The following ZNF420 variants were observed in gnomAD, a reference collection of about 807,000 sequenced individuals.
ZNF420 encodes the protein ATM and p53-associated KZNF protein.
A neutral mutation model predicts 44.7 loss-of-function variants in ZNF420; 31 were observed. The ratio of observed to expected loss-of-function variants is 0.69; its 90% confidence interval spans 0.52 to 0.94. ZNF420 has a LOEUF of 0.94. ZNF420 is among the 40% of genes least tolerant of loss of function. The pLI, the probability that ZNF420 is intolerant of heterozygous loss-of-function variation, is 0.00. For missense variants in ZNF420, 681 were observed against 827.9 expected (o/e 0.82, Z 2.18); for synonymous variants, 245 against 267.4 (o/e 0.92, Z 0.82).
chr19:37,008,525 A>G (rs978585864), intron 1 of ZNF420, among the ~76,000 whole-genome samples: 1 of 152,208 alleles, frequency 6.6e-6, no homozygotes, highest in African/African-American at 2.4e-5. Flanking sequence ...GGACAAAAGC[A>G]TCAGAAGAGC....
At chr19:37,098,123 T>G (rs928130279) in intron 4 of ZNF420, among the ~76,000 whole-genome samples, 2 of 152,088 alleles carry the variant, frequency 1.3e-5, no homozygotes, top group African/African-American at 2.4e-5. Context: ...GGCTAATTTT[T>G]GTAGTTTTTG....
At chr19:37,035,739 A>C (rs1967343083) in intron 1 of ZNF420, among the ~76,000 whole-genome samples, 1 of 152,194 alleles carries the variant, frequency 6.6e-6, no homozygotes, top group South Asian at 2.1e-4. Flanking sequence ...AACAATTAGA[A>C]GTGGAGAAAA....
chr19:37,123,055 CAT>C (rs1971144152), intron 4 of ZNF420, among the ~76,000 whole-genome samples: 1 of 152,200 alleles, frequency 6.6e-6, no homozygotes, highest in African/African-American at 2.4e-5. Context: ...GCAAAACCTG[CAT>C]AGTCTTCCTT....
intron 1 of ZNF420, among the ~76,000 whole-genome samples, chr19:37,079,688 C>T (rs1259486416): frequency 2.0e-5 from 3 of 152,110 alleles, no homozygotes; most frequent in East Asian, 1.9e-4. Context: ...CAGACCTGGT[C>T]TTAGGATGAG....
chr19:37,066,433 T>TAAAA (rs1967968060), intron 1 of ZNF420, among the ~76,000 whole-genome samples: 1 of 108,696 alleles, frequency 9.2e-6, no homozygotes, highest in African/African-American at 3.5e-5. Context: ...AGAGTCTGTC[T>TAAAA]CAAAAAAAAA....
At chr19:37,056,690 G>A (rs907763415) in intron 1 of ZNF420, among the ~76,000 whole-genome samples, 1 of 152,174 alleles carries the variant, frequency 6.6e-6, no homozygotes, top group South Asian at 2.1e-4. Context: ...AACAGATAAG[G>A]TGAACCCATC....
At chr19:37,112,251 G>C (rs541546544) in intron 4 of ZNF420, among the ~76,000 whole-genome samples, 11 of 151,758 alleles carry the variant, frequency 7.2e-5, no homozygotes, top group Non-Finnish European at 1.0e-4. Flanking sequence ...CCCTTTCCTG[G>C]TATATATCCC....
chr19:37,076,498 A>G (rs1479860516), upstream of ZNF420, among the ~76,000 whole-genome samples: 13 of 152,082 alleles, frequency 8.5e-5, no homozygotes, highest in African/African-American at 2.4e-5. Context: ...TACATTAGAT[A>G]TATCTCCTAA....
chr19:37,041,716 C>T (rs1967455816), intron 1 of ZNF420, among the ~76,000 whole-genome samples: 2 of 152,168 alleles, frequency 1.3e-5, no homozygotes, highest in Non-Finnish European at 2.9e-5. Flanking sequence ...TTTAAATTCA[C>T]AACCAGCTAT....
At chr19:37,074,654 T>A (rs181730719), upstream of ZNF420, among the ~76,000 whole-genome samples, 2 of 152,326 alleles carry the variant, frequency 1.3e-5, no homozygotes, top group Admixed American at 1.3e-4. Context: ...ATTGTTAAAA[T>A]TTATATGTAT....
chr19:37,031,157 T>C (rs1364889352), intron 1 of ZNF420, among the ~76,000 whole-genome samples: 1 of 152,220 alleles, frequency 6.6e-6, no homozygotes, highest in Non-Finnish European at 1.5e-5. Context: ...GCTTGGCTGC[T>C]TTCACCATTT....
At chr19:37,114,867 A>T (rs1207028345) in intron 4 of ZNF420, 1 of 152,064 alleles carries the variant, frequency 6.6e-6, no homozygotes, top group Non-Finnish European at 1.5e-5. Context: ...TGCTTGTTTT[A>T]ATTCTTTGCC....
intron 1 of ZNF420, among the ~76,000 whole-genome samples, chr19:37,064,397 G>A (rs980185669): frequency 2.0e-5 from 3 of 152,048 alleles, no homozygotes; most frequent in African/African-American, 7.2e-5. Context: ...TTTGGCAAGT[G>A]GGAGCCCCTC....
chr19:37,055,633 C>T (rs554780073), intron 1 of ZNF420, among the ~76,000 whole-genome samples: 4 of 152,330 alleles, frequency 2.6e-5, no homozygotes, highest in East Asian at 1.9e-4. Flanking sequence ...GAGGCGACAC[C>T]GCTACTCCTG....
At chr19:37,015,271 G>A (rs540733617) in intron 1 of ZNF420, among the ~76,000 whole-genome samples, 1 of 152,330 alleles carries the variant, frequency 6.6e-6, no homozygotes, top group Admixed American at 6.5e-5. Context: ...GGGGCCCCAC[G>A]TCCTTTGTTT....
chr19:37,099,870 G>T (rs867531388), intron 4 of ZNF420, among the ~76,000 whole-genome samples: 28 of 152,030 alleles, frequency 1.8e-4, no homozygotes, highest in African/African-American at 5.6e-4. Context: ...TGATCTGCCC[G>T]CCTGGGCCCC....
intron 1 of ZNF420, chr19:37,008,221 G>A (rs542414072): frequency 6.5e-6 from 2 of 307,396 alleles, no homozygotes; most frequent in Non-Finnish European, 1.2e-5. Flanking sequence ...GGGCGGGCGG[G>A]GGGGGATGTT....
chr19:37,091,431 G>A (rs1006863647), intron 4 of ZNF420: 1 of 176,962 alleles, frequency 5.7e-6, no homozygotes. Flanking sequence ...TCTGCTAAAG[G>A]AGCTCTAAAT....
intron 1 of ZNF420, among the ~76,000 whole-genome samples, chr19:37,041,961 T>G (rs1483719264): frequency 6.6e-6 from 1 of 152,172 alleles, no homozygotes; most frequent in Non-Finnish European, 1.5e-5. Context: ...GACTTTGTAG[T>G]ATTCTCTCCA....
Sources: allele counts gnomAD v4.1 joint callset (sites outside exome capture counted in the v4.1 genomes callset), GRCh38; gene constraint gnomAD v4.1.1; transcripts MANE v1.5; gene names NCBI Gene and HGNC (gene_info 2026-07-23, HGNC 2026-07-21).